Variants in MIGA2 observed in about 807,000 individuals in gnomAD.
MIGA2 encodes family with sequence similarity 73, member B.
A neutral mutation model predicts 69.9 loss-of-function variants in MIGA2; 36 were observed. The ratio of observed to expected loss-of-function variants is 0.52; its 90% CI spans 0.39 to 0.68. The LOEUF is 0.68. Ranked by LOEUF, MIGA2 falls within the 30% of genes least tolerant of loss-of-function variation. MIGA2 has a pLI of 0.00. For synonymous variants in MIGA2, 333 were observed against 349.2 expected (o/e 0.95, Z 0.52); for missense variants, 660 against 787.7 (o/e 0.84, Z 1.94).
Position 129,060,772 on chromosome 9 carries a change from T to G in MIGA2, c.894+122T>G. On this transcript the variant is annotated intron_variant, in intron 8 of 15. Transcript: ENST00000684074. The surrounding 1 kb of genome is among the most constrained non-coding windows in gnomAD (Gnocchi z 4.8). ...ATTTCCTCTGATGGGAGAATTTGGATGCTCCCACGGGCCTCCTCGAAGCTG... is the reference window on the plus strand; with the variant it reads ...ATTTCCTCTGATGGGAGAATTTGGAGGCTCCCACGGGCCTCCTCGAAGCTG... 1.3e-6 allele frequency: 1 copy of G among 749,602 alleles called. No homozygotes were observed. The allele number at this position is 749,602 out of a possible 1,614,324, so 46.4% of individuals were successfully genotyped here.
rs991911502 is a variant in MIGA2, at chr9:129,060,140, C to T, written c.794-410C>T. On this transcript the variant is annotated intron_variant, in intron 7 of 15. Transcript: ENST00000684074. The surrounding 1 kb of genome is among the most constrained non-coding windows in gnomAD (Gnocchi z 4.8). The stretch of plus-strand genomic sequence containing the variant: ...CCAGGTTAGTGGCTGTGGACTCTTT[C>T]GAGCCCTTGGTATCAATGGCTGAGT... Among the ~76,000 whole-genome samples the T allele has an allele frequency of 6.6e-6, 1 of 152,186 alleles. No homozygotes were observed. Among genetic ancestry groups the T allele is most frequent in the Non-Finnish European group, 1.5e-5 (1 of 68,036 alleles).
chr9:129,065,897 CT>C (rs1403691824), intron 11 of MIGA2, among the ~76,000 whole-genome samples: 8 of 152,204 alleles, frequency 5.3e-5, no homozygotes, highest in Admixed American at 2.0e-4. Context: ...ACCCTGCCTC[CT>C]GCTCATGAGC....
chr9:129,052,730 A>G (rs1189552156), intron 6 of MIGA2, among the ~76,000 whole-genome samples: 3 of 152,124 alleles, frequency 2.0e-5, no homozygotes, highest in Admixed American at 2.0e-4. Flanking sequence ...TTGCAGAACA[A>G]GGGGAGGGCT....
chr9:129,042,711 G>A (rs751073450), intron 3 of MIGA2, among the ~76,000 whole-genome samples, 197 bp downstream of exon 3: 26 of 152,112 alleles, frequency 1.7e-4, no homozygotes, highest in Non-Finnish European at 2.9e-4. Flanking sequence ...GGTTGGATGC[G>A]CATGCTCCAT....
rs957728111 is a variant in MIGA2 at position 129,069,226 on chromosome 9, C to G, written c.1458+97C>G. 14 of 1,457,730 alleles carry G rather than the reference C, an allele frequency of 9.6e-6. No individual in the cohort carries two copies. In the South Asian group the frequency reaches 1.1e-4, roughly 12 times the overall value. 90.3% of individuals were successfully genotyped at this position (1,457,730 alleles called of 1,614,324 possible). On this transcript the variant is annotated intron_variant, in intron 14 of 15. Coordinates refer to ENST00000684074, the MANE Select transcript of MIGA2 (RefSeq NM_001329990.2). This position sits in a 1 kb window ranked among gnomAD's most constrained non-coding sequence, Gnocchi z 4.9. ...CAGGGTGGCTCGCTGGGCCACTTGGCCTTCACCGCTCACAGTCCTGGCCCC... is the reference window on the plus strand; with the variant it reads ...CAGGGTGGCTCGCTGGGCCACTTGGGCTTCACCGCTCACAGTCCTGGCCCC...
intron 2 of MIGA2, among the ~76,000 whole-genome samples, chr9:129,040,935 A>G (rs1389163698): frequency 6.6e-6 from 1 of 152,182 alleles, no homozygotes; most frequent in African/African-American, 2.4e-5. Context: ...TCACGCCTGT[A>G]ATCCCAGCAC....
intron 11 of MIGA2, chr9:129,067,480 C>A: frequency 2.5e-6 from 1 of 401,576 alleles, no homozygotes; most frequent in Non-Finnish European, 4.5e-6. Flanking sequence ...AGCTGCCTGA[C>A]TCTAACCCTC....
chr9:129,037,036 C>CG, intron 1 of MIGA2: 1 of 1,002,236 alleles, frequency 1.0e-6, no homozygotes, highest in Non-Finnish European at 1.2e-6. Context: ...AATGATATTC[C>CG]GGGGTGGGGG....
chr9:129,068,099 C>T lies in MIGA2; in HGVS notation c.1270-99C>T, dbSNP rs1180144919. ...AAGACGTGTCCCCCCCACGTGTGCTCATGCCCTGGACCCCAGCTTCAGTCT... is the reference window on the plus strand; with the variant it reads ...AAGACGTGTCCCCCCCACGTGTGCTTATGCCCTGGACCCCAGCTTCAGTCT... On this transcript the variant is annotated intron_variant, in intron 12 of 15. Coordinates refer to ENST00000684074, the MANE Select transcript of MIGA2 (RefSeq NM_001329990.2). This position sits in a 1 kb window ranked among gnomAD's most constrained non-coding sequence, Gnocchi z 4.1. 3.2e-6 allele frequency: 5 copies of T among 1,547,442 alleles called. No homozygotes were observed. Among genetic ancestry groups the T allele is most frequent in the Non-Finnish European group, 4.5e-6 (5 of 1,121,158 alleles).
rs115268371 is a variant in MIGA2 at position 129,057,240 on chromosome 9, A to G, written c.676-1914A>G. ...TTCAGGCAGATATCCTTTCTCCTCA[A>G]TGATTTTCTTTTTTAAAATTAAATA... On this transcript the variant is annotated intron_variant, in intron 6 of 15. Coordinates refer to ENST00000684074, the MANE Select transcript of MIGA2 (RefSeq NM_001329990.2). Among the ~76,000 whole-genome samples, 1,159 of 151,990 alleles carry G rather than the reference A, an allele frequency of 7.6e-3. 8 individuals are homozygous for G. Among genetic ancestry groups the G allele is most frequent in the African/African-American group, 0.027 (1,109 of 41,450 alleles).
In MIGA2 at chr9:129,059,317, G is replaced by A. The variant is rs761145290; in HGVS notation, c.793+46G>A. 1 of 1,447,530 alleles carries A rather than the reference G, an allele frequency of 6.9e-7. No individual in the cohort carries two copies. The highest frequency in any genetic ancestry group is 1.2e-5 in the South Asian group (1 of 81,566). The allele number at this position is 1,447,530 out of a possible 1,614,324, so 89.7% of individuals were successfully genotyped here. On this transcript the variant is annotated intron_variant, in intron 7 of 15. Coordinates refer to ENST00000684074, the MANE Select transcript of MIGA2 (RefSeq NM_001329990.2). This position sits in a 1 kb window ranked among gnomAD's most constrained non-coding sequence, Gnocchi z 5.6. ...GTGGGGTGGGCGTGGAGGGTGGCAG[G>A]GATGGAGGTGAGGAGAAGTTGCGAG...
At position 129,042,476 on chromosome 9, in the gene MIGA2, C is replaced by T; in HGVS notation, c.269C>T (p.Pro90Leu). Reference sequence around the variant, plus strand: ...GAGCAGCTGGGCACGGTGCCCCTCCCTATCCTCTTGGCCAGGAAGGTCCCT... The same window carrying T: ...GAGCAGCTGGGCACGGTGCCCCTCCTTATCCTCTTGGCCAGGAAGGTCCCT... ...GGEQLGTVPL[P>L]ILLARKVPSV... The change falls in exon 3 of 16, where the codon CCT (proline) becomes CTT (leucine). Residue 90 changes from proline to leucine, a missense_variant. Coordinates refer to ENST00000684074, the MANE Select transcript of MIGA2 (RefSeq NM_001329990.2). 2.5e-6 allele frequency: 4 copies of T among 1,598,274 alleles called. No individual in the cohort carries two copies. Among genetic ancestry groups the T allele is most frequent in the Non-Finnish European group, 3.4e-6 (4 of 1,173,226 alleles).
At chr9:129,044,345 A>G (rs1258370941) in intron 3 of MIGA2, among the ~76,000 whole-genome samples, 1 of 151,926 alleles carries the variant, frequency 6.6e-6, no homozygotes, top group African/African-American at 2.4e-5. Context: ...TAGTCTTAAA[A>G]AAAAAAAAGA....
At chr9:129,050,079 C>T (rs1161276618) in intron 6 of MIGA2, 116 bp downstream of exon 6, 5 of 1,351,414 alleles carry the variant, frequency 3.7e-6, no homozygotes, top group Non-Finnish European at 5.0e-6. Flanking sequence ...GCTGATTTCC[C>T]TCTATGAGGG....
chr9:129,036,994 G>T, intron 1 of MIGA2: 1 of 1,002,906 alleles, frequency 1.0e-6, no homozygotes, highest in Non-Finnish European at 1.2e-6. Flanking sequence ...TGCGGGCCGT[G>T]AGCGGCGCCA....
rs148174582 is a variant in MIGA2, at chr9:129,048,445, T to C, written c.326T>C (p.Val109Ala). The C allele has an allele frequency of 1.2e-6, 2 of 1,613,554 alleles. No homozygotes were observed. Among genetic ancestry groups the C allele is most frequent in the African/African-American group, 2.7e-5 (2 of 74,778 alleles). The change falls in exon 4 of 16, where the codon GTC becomes GCC. Residue 109 changes from valine to alanine, a missense_variant. Around this residue, in one of 3 missense-constraint regions of MIGA2, gnomAD observed 386 missense variants for 402.0 expected, o/e 0.96. Transcript: ENST00000684074. Reference protein sequence around the residue: ...SVKKGYSSRRVQSPSSKSNDT... With the variant: ...SVKKGYSSRRAQSPSSKSNDT... ...CTCACAGGATACTCCAGCCGGAGAG[T>C]CCAGAGCCCCAGCAGCAAGAGCAAC... is the stretch of plus-strand genomic sequence containing the variant.
In MIGA2 at chr9:129,071,926, C is replaced by G. The variant is rs992269008; in HGVS notation, c.*1473C>G. 2.0e-5 allele frequency: 3 copies of G among 152,704 alleles called. No individual in the cohort carries two copies. The highest frequency in any genetic ancestry group is 2.9e-5 in the Non-Finnish European group (2 of 68,054). The allele number at this position is 152,704 out of a possible 1,614,324, so 9.5% of individuals were successfully genotyped here. ...CCTGTGCTGTGAATGTAACAGTGGG[C>G]CTTGGCCCCGCCCACTCTGATTTGC... On this transcript the variant is annotated 3_prime_UTR_variant, in exon 16 of 16. Coordinates refer to ENST00000684074, the MANE Select transcript of MIGA2 (RefSeq NM_001329990.2).
At position 129,060,713 on chromosome 9, in the gene MIGA2, TG is replaced by T; in HGVS notation, c.894+67del. The stretch of plus-strand genomic sequence containing the variant: ...AGGCTGGGCCTCCTCTGCAGGTCCA[TG>T]GGGCCAGCACTGGGTCATGGGAAAG... On this transcript the variant is annotated intron_variant, in intron 8 of 15. Transcript: ENST00000684074. This position sits in a 1 kb window ranked among gnomAD's most constrained non-coding sequence, Gnocchi z 4.8. 1 of 1,345,064 alleles carries T rather than the reference TG, an allele frequency of 7.4e-7. No individual in the cohort carries two copies. The highest frequency in any genetic ancestry group is 1.0e-6 in the Non-Finnish European group (1 of 966,492). The allele number at this position is 1,345,064 out of a possible 1,614,324, so 83.3% of individuals were successfully genotyped here.
Position 129,059,235 on chromosome 9 carries a change from T to C in MIGA2, c.757T>C (p.Ser253Pro). 4.4e-6 allele frequency: 7 copies of C among 1,599,320 alleles called. No homozygotes were observed. Among genetic ancestry groups the C allele is most frequent in the Non-Finnish European group, 6.0e-6 (7 of 1,172,332 alleles). The change falls in exon 7 of 16, where the codon TCC (serine) becomes CCC (proline). Residue 253 changes from serine to proline, a missense_variant. Physicochemically the swap from Ser to Pro is moderately conservative, Grantham distance 74 (BLOSUM62 -1). Around this residue, in one of 3 missense-constraint regions of MIGA2, gnomAD observed 386 missense variants for 402.0 expected, o/e 0.96. Coordinates refer to ENST00000684074, the MANE Select transcript of MIGA2 (RefSeq NM_001329990.2). This position sits in a 1 kb window ranked among gnomAD's most constrained non-coding sequence, Gnocchi z 5.6. ...CTACCACCTGCAGGAGGAGTTCGGC[T>C]CCACCTTCCCCGCAGACAGCATGCT... ...RAYHLQEEFG[S>P]TFPADSMLLD...
Sources: gnomAD v4.1 joint callset for allele counts (sites outside exome capture counted in the v4.1 genomes callset) on GRCh38, gnomAD v4.1.1 for gene constraint, gnomAD v4.1.1 regional missense constraint, Gnocchi (gnomAD v3.1) non-coding constraint, MANE v1.5 for transcripts, NCBI Gene and HGNC (gene_info 2026-07-23, HGNC 2026-07-21) for gene names.